Variants in BNC2 observed in about 807,000 individuals in gnomAD.
BNC2 encodes the protein basonuclin zinc finger protein 2, also known as zinc finger protein basonuclin-2.
In BNC2, 20 loss-of-function variants were observed where a neutral mutation model predicts 76.3. The ratio of observed to expected loss-of-function variants is 0.26; its 90% CI spans 0.18 to 0.38. The LOEUF (loss-of-function observed/expected upper bound fraction) is 0.38, where lower values mean the gene tolerates loss of function less well. BNC2 is among the 10% of genes least tolerant of loss of function. The pLI, the probability that BNC2 is intolerant of heterozygous loss-of-function variation, is 1.00. For synonymous variants in BNC2, 582 were observed against 514.8 expected, an observed-to-expected ratio of 1.13 and a Z score of -1.77; for missense variants, 1,382 against 1,399.8, an observed-to-expected ratio of 0.99 and a Z score of 0.20.
intron 5 of BNC2, among the ~76,000 whole-genome samples, chr9:16,512,750 A>G (rs10124550): frequency 0.11 from 16,909 of 152,222 alleles, 1,250 homozygotes; most frequent in East Asian, 0.29. Flanking sequence ...CAAATAAAAC[A>G]ATCATCTCAA....
intron 5 of BNC2, 38 bp downstream of exon 5, chr9:16,552,492 G>C (rs369168213): frequency 1.3e-6 from 2 of 1,579,640 alleles, no homozygotes; most frequent in Non-Finnish European, 1.7e-6. Flanking sequence ...ACCCACAGTC[G>C]GCCCCGGACA....
intron 1 of BNC2, among the ~76,000 whole-genome samples, chr9:16,845,869 C>G (rs894797290): frequency 6.7e-6 from 1 of 149,426 alleles, no homozygotes; most frequent in South Asian, 2.1e-4. Context: ...AATTTAGTGG[C>G]CCGGGCGCGG....
At chr9:16,820,294 C>T (rs1432708464) in intron 1 of BNC2, among the ~76,000 whole-genome samples, 3 of 138,508 alleles carry the variant, frequency 2.2e-5, no homozygotes, top group East Asian at 2.2e-4. Flanking sequence ...GGCGTGGTGG[C>T]AGGTGCCTGT....
intron 3 of BNC2, among the ~76,000 whole-genome samples, chr9:16,661,349 T>C (rs1482317287): frequency 6.6e-6 from 1 of 152,194 alleles, no homozygotes; most frequent in African/African-American, 2.4e-5. Context: ...TCCTCATTTA[T>C]AAAACAGCAT....
intron 3 of BNC2, among the ~76,000 whole-genome samples, chr9:16,640,378 T>C (rs977779569): frequency 1.3e-5 from 2 of 152,130 alleles, no homozygotes; most frequent in Non-Finnish European, 2.9e-5. Flanking sequence ...TACATGAGAG[T>C]TCAGCTAATT....
At chr9:16,870,473 C>T (rs1389073029) in intron 1 of BNC2, among the ~76,000 whole-genome samples, 173 bp downstream of exon 1, 1 of 152,020 alleles carries the variant, frequency 6.6e-6, no homozygotes, top group Non-Finnish European at 1.5e-5. Context: ...CAGCGGGGAT[C>T]AGGTCGGACC....
intron 6 of BNC2, chr9:16,431,619 A>G (rs1697722985): frequency 3.5e-6 from 1 of 285,716 alleles, no homozygotes; most frequent in Non-Finnish European, 7.5e-6. Flanking sequence ...GACTTTCAAA[A>G]TCTAACACTA....
At chr9:16,826,012 G>A (rs1207843219) in intron 1 of BNC2, among the ~76,000 whole-genome samples, 2 of 152,068 alleles carry the variant, frequency 1.3e-5, no homozygotes, top group African/African-American at 4.8e-5. Flanking sequence ...AATCTTTACT[G>A]TGTTAGCAAT....
At chr9:16,545,652 T>A (rs112734790) in intron 5 of BNC2, among the ~76,000 whole-genome samples, 22 of 152,258 alleles carry the variant, frequency 1.4e-4, no homozygotes, top group African/African-American at 5.3e-4. Context: ...CTGTACTCAT[T>A]TTCCCTGAGA....
At chr9:16,619,610 A>T (rs946626712) in intron 3 of BNC2, among the ~76,000 whole-genome samples, 1 of 152,074 alleles carries the variant, frequency 6.6e-6, no homozygotes, top group African/African-American at 2.4e-5. Context: ...GGGTTCAAAG[A>T]CTCCCTTTCT....
intron 1 of BNC2, among the ~76,000 whole-genome samples, chr9:16,862,934 A>G (rs2136216956): frequency 7.5e-6 from 1 of 133,208 alleles, no homozygotes; most frequent in East Asian, 2.2e-4. Context: ...TTTTTTTTTG[A>G]GACAAAGTCT....
At chr9:16,739,658 G>T (rs1475330328) in intron 1 of BNC2, among the ~76,000 whole-genome samples, 1 of 151,874 alleles carries the variant, frequency 6.6e-6, no homozygotes, top group African/African-American at 2.4e-5. Context: ...GGCAACAAGA[G>T]CAAAACTCCA....
chr9:16,836,174 G>C (rs1818701854), intron 1 of BNC2, among the ~76,000 whole-genome samples: 1 of 152,150 alleles, frequency 6.6e-6, no homozygotes, highest in African/African-American at 2.4e-5. Flanking sequence ...TTAGGATTTG[G>C]GAAGACCAAC....
At chr9:16,637,614 T>C (rs754246100) in intron 3 of BNC2, among the ~76,000 whole-genome samples, 5 of 152,148 alleles carry the variant, frequency 3.3e-5, no homozygotes, top group African/African-American at 7.2e-5. Flanking sequence ...AAAATATTTA[T>C]TTAAAAAAAA....
At chr9:16,852,871 G>C (rs1344347671) in intron 1 of BNC2, among the ~76,000 whole-genome samples, 1 of 152,180 alleles carries the variant, frequency 6.6e-6, no homozygotes, top group Non-Finnish European at 1.5e-5. Context: ...GCTTAGCAAA[G>C]TTCTATGGCC....
intron 3 of BNC2, among the ~76,000 whole-genome samples, chr9:16,673,429 T>TA (rs1822540179): frequency 1.5e-5 from 2 of 132,380 alleles, no homozygotes; most frequent in African/African-American, 3.6e-5. Flanking sequence ...ATTCTGAGAT[T>TA]TAAAAAAAAA....
chr9:16,591,566 G>C (rs1819929489), intron 3 of BNC2, among the ~76,000 whole-genome samples: 1 of 152,102 alleles, frequency 6.6e-6, no homozygotes, highest in African/African-American at 2.4e-5. Flanking sequence ...ATAAATCTAA[G>C]TCTGAATGAA....
At chr9:16,728,155 C>T (rs900119166) in intron 2 of BNC2, 158 bp from the exon 3 acceptor site, 1 of 747,238 alleles carries the variant, frequency 1.3e-6, no homozygotes, top group Non-Finnish European at 2.4e-6. Flanking sequence ...GCACAGATAT[C>T]CCTATCATTT....
At chr9:16,805,788 A>G (rs1817895419) in intron 1 of BNC2, among the ~76,000 whole-genome samples, 1 of 152,160 alleles carries the variant, frequency 6.6e-6, no homozygotes. Context: ...GGGCAAAAAA[A>G]CCTAATGGCT....
Sources: allele counts gnomAD v4.1 joint callset (sites outside exome capture counted in the v4.1 genomes callset), GRCh38; gene constraint gnomAD v4.1.1; transcripts MANE v1.5; gene names NCBI Gene and HGNC (gene_info 2026-07-23, HGNC 2026-07-21).